The following ASIC2 variants were observed in gnomAD, a reference collection of about 807,000 sequenced individuals.
The protein encoded by ASIC2 is acid-sensing ion channel 2.
Under a neutral mutation model 57.3 loss-of-function variants are expected in ASIC2, and 25 were observed. The observed-to-expected ratio is 0.44, with a 90% CI of 0.32 to 0.61. The LOEUF is 0.61. ASIC2 is among the 20% of genes least tolerant of loss of function. The pLI, the probability that ASIC2 is intolerant of heterozygous loss-of-function variation, is 0.06. For missense variants in ASIC2, 641 were observed against 738.1 expected, an observed-to-expected ratio of 0.87 and a Z score of 1.52; for synonymous variants, 319 against 307.5, an observed-to-expected ratio of 1.04 and a Z score of -0.39.
At chr17:33,283,352 T>C (rs1905033457) in intron 1 of ASIC2, among the ~76,000 whole-genome samples, 1 of 152,224 alleles carries the variant, frequency 6.6e-6, no homozygotes, top group Non-Finnish European at 1.5e-5. Flanking sequence ...GCAGCATCTG[T>C]ACCACCTGGG....
chr17:34,111,145 G>A (rs1039999747), intron 1 of ASIC2, among the ~76,000 whole-genome samples: 17 of 151,928 alleles, frequency 1.1e-4, no homozygotes, highest in African/African-American at 3.6e-4. Flanking sequence ...AGAATCACTC[G>A]AACCCAGGAG....
intron 1 of ASIC2, among the ~76,000 whole-genome samples, chr17:33,943,783 C>T (rs961936540): frequency 4.0e-5 from 6 of 151,078 alleles, no homozygotes; most frequent in African/African-American, 9.7e-5. Context: ...GTGCTAAATA[C>T]ATCACATGCA....
At chr17:33,533,693 T>G (rs1915132803) in intron 1 of ASIC2, 1 of 152,218 alleles carries the variant, frequency 6.6e-6, no homozygotes, top group African/African-American at 2.4e-5. Context: ...CACCAATGTC[T>G]TCTTTCAGGG....
intron 1 of ASIC2, among the ~76,000 whole-genome samples, chr17:34,131,054 A>G (rs1274003639): frequency 3.9e-5 from 6 of 152,206 alleles, no homozygotes; most frequent in Non-Finnish European, 5.9e-5. Context: ...GGGAGAGAAA[A>G]AGGAGGAATT....
chr17:33,803,722 C>T (rs560681588), intron 1 of ASIC2, among the ~76,000 whole-genome samples: 2 of 151,644 alleles, frequency 1.3e-5, no homozygotes, highest in East Asian at 1.9e-4. Context: ...TCTATTCAGA[C>T]AAGCCCCACA....
intron 1 of ASIC2, among the ~76,000 whole-genome samples, chr17:33,547,674 C>A (rs528136883): frequency 6.6e-6 from 1 of 152,274 alleles, no homozygotes; most frequent in East Asian, 1.9e-4. Flanking sequence ...TTGGCCTCTC[C>A]CTGGCTGGGA....
chr17:33,893,017 G>A lies in ASIC2; in HGVS notation c.555+262961C>T, dbSNP rs192783778. 2.0e-5 allele frequency among the ~76,000 whole-genome samples: 3 copies of A among 152,308 alleles called. No individual in the cohort carries two copies. In the East Asian group the frequency reaches 5.8e-4, roughly 29 times the overall value. ...TTATGACCCAATTTAAAGTTATGGGGCTTTTATTAATTATAATAAACACCA... is the reference window on the plus strand; with the variant it reads ...TTATGACCCAATTTAAAGTTATGGGACTTTTATTAATTATAATAAACACCA... On this transcript the variant is annotated intron_variant, in intron 1 of 9. Transcript: ENST00000359872.
At chr17:33,381,286 C>T (rs1378370278) in intron 1 of ASIC2, among the ~76,000 whole-genome samples, 6 of 152,232 alleles carry the variant, frequency 3.9e-5, no homozygotes, top group Non-Finnish European at 7.3e-5. Flanking sequence ...GAAAACCTGA[C>T]TTGTTTGGAG....
At chr17:33,702,417 C>A (rs1034562935) in intron 1 of ASIC2, among the ~76,000 whole-genome samples, 12 of 152,168 alleles carry the variant, frequency 7.9e-5, no homozygotes, top group African/African-American at 2.9e-4. Context: ...ATCTCTTAAT[C>A]CTCAGCTAGG....
Position 33,837,357 on chromosome 17 carries a change from G to A in ASIC2, c.555+318621C>T, listed in dbSNP as rs116667816. ...AATAATGAGAAATTTGAAAAATATT[G>A]CTGTCCCCTAAATTGAGCCAGTCCT... On this transcript the variant is annotated intron_variant, in intron 1 of 9. Transcript: ENST00000359872. Among the ~76,000 whole-genome samples, 342 of 152,262 alleles carry A rather than the reference G, an allele frequency of 2.2e-3. 5 individuals carry two copies. Among genetic ancestry groups the A allele is most frequent in the African/African-American group, 7.7e-3 (319 of 41,554 alleles).
intron 1 of ASIC2, among the ~76,000 whole-genome samples, chr17:34,093,035 G>A (rs752873524): frequency 1.3e-5 from 2 of 152,080 alleles, no homozygotes; most frequent in African/African-American, 2.4e-5. Flanking sequence ...ATGCAGCTCT[G>A]GTTTATTACT....
intron 1 of ASIC2, among the ~76,000 whole-genome samples, chr17:33,182,484 AT>A (rs1906023481): frequency 6.6e-6 from 1 of 152,198 alleles, no homozygotes; most frequent in East Asian, 1.9e-4. Context: ...TTGCCAGAAG[AT>A]GTCAGACTGG....
At chr17:33,799,438 CT>C (rs1314631429) in intron 1 of ASIC2, among the ~76,000 whole-genome samples, 1,902 of 45,426 alleles carry the variant, frequency 0.042, 26 homozygotes, top group Middle Eastern at 0.087. Context: ...TTCTTTCTTT[CT>C]TTCTTTCTTT....
At chr17:33,915,687 T>A (rs1915568654) in intron 1 of ASIC2, among the ~76,000 whole-genome samples, 1 of 152,202 alleles carries the variant, frequency 6.6e-6, no homozygotes, top group Non-Finnish European at 1.5e-5. Flanking sequence ...GCAATAAACA[T>A]CTAATGTTTC....
chr17:33,033,939 C>T lies in ASIC2; in HGVS notation c.988-5547G>A, dbSNP rs535430498. 4.6e-5 allele frequency among the ~76,000 whole-genome samples: 7 copies of T among 152,240 alleles called. 1 individual carries two copies. The highest frequency in any genetic ancestry group is 2.0e-4 in the Admixed American group (3 of 15,294). Reference sequence around the variant, plus strand: ...AGGTCAGAGAGACAAGGGGACAGGACGACCAGCTGCAGAGAGGAGTACTCT... The same window carrying T: ...AGGTCAGAGAGACAAGGGGACAGGATGACCAGCTGCAGAGAGGAGTACTCT... On this transcript the variant is annotated intron_variant, in intron 3 of 9. Coordinates refer to ENST00000225823, the MANE Select transcript of ASIC2 (RefSeq NM_183377.2).
intron 1 of ASIC2, among the ~76,000 whole-genome samples, chr17:33,958,848 T>C (rs547299422): frequency 4.9e-4 from 75 of 152,300 alleles, no homozygotes; most frequent in African/African-American, 1.6e-3. Flanking sequence ...TACTGCATGG[T>C]CAGGCTGCAA....
chr17:33,224,703 C>G (rs73281617), intron 1 of ASIC2, among the ~76,000 whole-genome samples: 5,496 of 152,206 alleles, frequency 0.036, 333 homozygotes, highest in African/African-American at 0.13. Flanking sequence ...CCATTTAATC[C>G]TCATGACTTA....
chr17:33,128,608 G>A (rs979846415), intron 1 of ASIC2, among the ~76,000 whole-genome samples: 1 of 152,210 alleles, frequency 6.6e-6, no homozygotes, highest in Non-Finnish European at 1.5e-5. Flanking sequence ...TTTGGAGTGG[G>A]GGTGGCCCTT....
At chr17:33,203,959 C>T (rs764280579) in intron 1 of ASIC2, among the ~76,000 whole-genome samples, 3 of 152,222 alleles carry the variant, frequency 2.0e-5, no homozygotes, top group Non-Finnish European at 4.4e-5. Flanking sequence ...AGGCCAAAGC[C>T]CTGCATTTTG....
Sources: gnomAD v4.1 joint callset for allele counts (sites outside exome capture counted in the v4.1 genomes callset) on GRCh38, gnomAD v4.1.1 for gene constraint, MANE v1.5 for transcripts, NCBI Gene and HGNC (gene_info 2026-07-23, HGNC 2026-07-21) for gene names.